Variants in NPAS3 observed in about 807,000 individuals in gnomAD.
The protein encoded by NPAS3 is neuronal PAS domain protein 3.
A neutral mutation model predicts 73.1 loss-of-function variants in NPAS3; 14 were observed. The ratio of observed to expected loss-of-function variants is 0.19; its 90% CI spans 0.13 to 0.30. The LOEUF (loss-of-function observed/expected upper bound fraction) is 0.30, where lower values mean the gene tolerates loss of function less well. Among genes scored for constraint, NPAS3 ranks in the 10% least tolerant of loss-of-function variants. NPAS3 has a pLI of 1.00. For missense variants in NPAS3, 1,096 were observed against 1,250.0 expected, an observed-to-expected ratio of 0.88 and a Z score of 1.86; for synonymous variants, 620 against 541.5, an observed-to-expected ratio of 1.14 and a Z score of -2.01.
intron 3 of NPAS3, among the ~76,000 whole-genome samples, chr14:33,340,719 C>T (rs1448690721): frequency 2.6e-5 from 4 of 152,174 alleles, no homozygotes; most frequent in African/African-American, 9.7e-5. Flanking sequence ...TAAAATTCTA[C>T]TTTGACATGC....
intron 4 of NPAS3, among the ~76,000 whole-genome samples, chr14:33,398,408 A>T (rs1441195940): frequency 1.7e-4 from 3 of 17,640 alleles, no homozygotes; most frequent in African/African-American, 2.6e-4. Flanking sequence ...ATTTTCCTTT[A>T]AAAAAAAAAA....
chr14:33,488,990 C>T (rs112566538), intron 4 of NPAS3, among the ~76,000 whole-genome samples: 41 of 152,224 alleles, frequency 2.7e-4, no homozygotes, highest in African/African-American at 9.6e-4. Flanking sequence ...ACCCATTCTC[C>T]CTGAATGCTA....
At chr14:33,734,576 T>G (rs1312004301) in intron 6 of NPAS3, among the ~76,000 whole-genome samples, 2 of 152,206 alleles carry the variant, frequency 1.3e-5, no homozygotes, top group Non-Finnish European at 1.5e-5. Flanking sequence ...TGAAAGCTGC[T>G]GTAAAGTGAC....
intron 6 of NPAS3, among the ~76,000 whole-genome samples, chr14:33,724,156 A>G (rs924000569): frequency 1.3e-5 from 2 of 152,204 alleles, no homozygotes; most frequent in Non-Finnish European, 2.9e-5. Flanking sequence ...AGGCAAAAAA[A>G]TGGGATGTAT....
chr14:33,774,885 A>T (rs2062764711), intron 8 of NPAS3, among the ~76,000 whole-genome samples: 1 of 152,164 alleles, frequency 6.6e-6, no homozygotes, highest in South Asian at 2.1e-4. Flanking sequence ...CTTCTGCCTA[A>T]TTCGAGGGCC....
At chr14:33,131,010 C>G (rs1266231525) in intron 2 of NPAS3, among the ~76,000 whole-genome samples, 2 of 152,074 alleles carry the variant, frequency 1.3e-5, no homozygotes, top group African/African-American at 2.4e-5. Flanking sequence ...AGAGAAGTTT[C>G]AAACCATCCA....
chr14:33,114,653 G>T (rs1419210089), intron 2 of NPAS3, among the ~76,000 whole-genome samples: 1 of 152,120 alleles, frequency 6.6e-6, no homozygotes, highest in Non-Finnish European at 1.5e-5. Flanking sequence ...TAATGCTGCA[G>T]CAATGAGTGT....
At chr14:33,441,512 T>G (rs72680160) in intron 4 of NPAS3, among the ~76,000 whole-genome samples, 16,425 of 152,276 alleles carry the variant, frequency 0.11, 994 homozygotes, top group Admixed American at 0.15. Flanking sequence ...TGTTTGAATA[T>G]TTCCAGTGAT....
At position 33,046,246 on chromosome 14, in the gene NPAS3, G is replaced by A. The variant is rs116101110; in HGVS notation, c.51-9659G>A. Among the ~76,000 whole-genome samples, 571 of 152,254 alleles carry A rather than the reference G, an allele frequency of 3.8e-3. 2 individuals are homozygous for A. Among genetic ancestry groups the A allele is most frequent in the African/African-American group, 0.011 (472 of 41,534 alleles). On this transcript the variant is annotated intron_variant, in intron 1 of 11. Transcript: ENST00000356141. ...CACGTAGAGTGTGAGGCTGCGAGTG[G>A]TGTGGGTTAGTGATGAGCAAAGGGT...
chr14:33,705,433 A>G (rs1251626643), intron 6 of NPAS3, among the ~76,000 whole-genome samples: 2 of 152,232 alleles, frequency 1.3e-5, no homozygotes, highest in Non-Finnish European at 2.9e-5. Context: ...CCCATAAATG[A>G]CAAAGGTTTG....
At chr14:33,616,405 A>T (rs771846989) in intron 5 of NPAS3, among the ~76,000 whole-genome samples, 1 of 152,182 alleles carries the variant, frequency 6.6e-6, no homozygotes, top group Non-Finnish European at 1.5e-5. Context: ...GGAGCATGGG[A>T]ACACCCTGTG....
intron 5 of NPAS3, among the ~76,000 whole-genome samples, chr14:33,636,034 G>T (rs1055716930): frequency 2.6e-5 from 4 of 152,090 alleles, no homozygotes; most frequent in Non-Finnish European, 4.4e-5. Flanking sequence ...CGATTCTCCT[G>T]CTTAGCCTCC....
At chr14:33,440,321 C>T (rs554804189) in intron 4 of NPAS3, among the ~76,000 whole-genome samples, 1 of 152,146 alleles carries the variant, frequency 6.6e-6, no homozygotes, top group South Asian at 2.1e-4. Flanking sequence ...ACATCCCCAG[C>T]TCAGGGTGGT....
rs2036620171 is a variant in NPAS3, at chr14:32,955,056, C to A, written c.50+15690C>A. On this transcript the variant is annotated intron_variant, in intron 1 of 11. Transcript: ENST00000356141. Reference sequence around the variant, plus strand: ...TATATTCCTACCTTTTGCATGGAGTCACACTTTTGTATGTACCATAAGTTG... The same window carrying A: ...TATATTCCTACCTTTTGCATGGAGTAACACTTTTGTATGTACCATAAGTTG... 2.0e-5 allele frequency among the ~76,000 whole-genome samples: 3 copies of A among 152,080 alleles called. No homozygotes were observed. The East Asian group carries it at 5.8e-4, about 29-fold the overall frequency.
At chr14:33,626,277 G>A (rs1567065208) in intron 5 of NPAS3, among the ~76,000 whole-genome samples, 1 of 152,048 alleles carries the variant, frequency 6.6e-6, no homozygotes, top group East Asian at 1.9e-4. Flanking sequence ...CTTTAGAGGG[G>A]GACTGCATGC....
chr14:33,518,217 A>C (rs1028399045), intron 4 of NPAS3, among the ~76,000 whole-genome samples: 2 of 151,764 alleles, frequency 1.3e-5, no homozygotes, highest in African/African-American at 4.8e-5. Context: ...TTGAGATGGG[A>C]GATTTTGAGA....
At chr14:33,544,845 T>TATATAAA (rs2054762667) in intron 4 of NPAS3, among the ~76,000 whole-genome samples, 1 of 129,748 alleles carries the variant, frequency 7.7e-6, no homozygotes, top group African/African-American at 3.1e-5. Flanking sequence ...ATATATATTA[T>TATATAAA]ATATATGTGT....
rs1595198055 is a variant in NPAS3 at position 33,579,534 on chromosome 14, A to G, written c.558+19324A>G. 3.3e-5 allele frequency among the ~76,000 whole-genome samples: 5 copies of G among 152,354 alleles called. 1 individual carries two copies. In the South Asian group the frequency reaches 1.0e-3, roughly 32 times the overall value. On this transcript the variant is annotated intron_variant, in intron 5 of 11. Transcript: ENST00000356141. Reference sequence around the variant, plus strand: ...AAAGACTGATGAAATATGGATGCGTAGAATGAAGAATTCAGAATCAATGTA... The same window carrying G: ...AAAGACTGATGAAATATGGATGCGTGGAATGAAGAATTCAGAATCAATGTA...
At chr14:33,605,310 G>T (rs888090038) in intron 5 of NPAS3, among the ~76,000 whole-genome samples, 43 of 150,830 alleles carry the variant, frequency 2.9e-4, no homozygotes, top group African/African-American at 8.7e-4. Flanking sequence ...AGGGATGTTT[G>T]CTCTTGCCGC....
Sources: allele counts gnomAD v4.1 joint callset (sites outside exome capture counted in the v4.1 genomes callset), GRCh38; gene constraint gnomAD v4.1.1; transcripts MANE v1.5; gene names NCBI Gene and HGNC (gene_info 2026-07-23, HGNC 2026-07-21).